The following PI16 variants were observed in gnomAD, a reference collection of about 807,000 sequenced individuals.
The protein encoded by PI16 is PSP94-binding protein.
In PI16, 35 loss-of-function variants were observed where a neutral mutation model predicts 38.0. That is an observed-to-expected ratio of 0.92 (90% confidence interval 0.70 to 1.22). The LOEUF (loss-of-function observed/expected upper bound fraction) is 1.22, where lower values mean the gene tolerates loss of function less well. PI16 is among the 50% of genes most tolerant of loss of function. The probability of loss-of-function intolerance (pLI) is 0.00; values close to 1 mark genes in which losing one functional copy is unlikely to be tolerated. For synonymous variants in PI16, 275 were observed against 252.9 expected, an observed-to-expected ratio of 1.09 and a Z score of -0.83; for missense variants, 572 against 593.8, an observed-to-expected ratio of 0.96 and a Z score of 0.38.
chr6:36,957,776 C>T (rs1467501172), intron 1 of PI16, among the ~76,000 whole-genome samples: 1 of 152,224 alleles, frequency 6.6e-6, no homozygotes, highest in Non-Finnish European at 1.5e-5. Flanking sequence ...TCTCAGTCAT[C>T]AATAGTTGAC....
At chr6:36,948,303 T>A (rs1763044180) in exon 1 of PI16, 1 of 152,306 alleles carries the variant, frequency 6.6e-6, no homozygotes, top group Non-Finnish European at 1.5e-5. Flanking sequence ...GCCACAGAGA[T>A]GACCACACCA....
chr6:36,957,571 G>C (rs2150735558), intron 1 of PI16, among the ~76,000 whole-genome samples: 1 of 152,324 alleles, frequency 6.6e-6, no homozygotes, highest in African/African-American at 2.4e-5. Flanking sequence ...GAATGGACTT[G>C]CTTCTAGATG....
chr6:36,961,325 G>A, intron 2 of PI16, 126 bp from the exon 3 acceptor site: 2 of 776,200 alleles, frequency 2.6e-6, no homozygotes, highest in East Asian at 2.5e-5. Flanking sequence ...TGGCCTTGGG[G>A]ACGTGGATGT....
chr6:36,963,511 C>T lies in PI16; in HGVS notation c.1169C>T (p.Thr390Met), dbSNP rs762961083. Residue 390 changes from threonine (T) to methionine (M), a missense_variant, in exon 5 of 7, where the codon ACG (threonine) becomes ATG (methionine). Transcript: ENST00000373674. ...GAGCTGCAGGCCACACTGGACCACACGGGGCACACCTCCTCCAAGTCCCTG... is the reference window on the plus strand; with the variant it reads ...GAGCTGCAGGCCACACTGGACCACATGGGGCACACCTCCTCCAAGTCCCTG... Reference protein sequence around the residue: ...PGELQATLDHTGHTSSKSLPN... With the variant: ...PGELQATLDHMGHTSSKSLPN... 4.3e-6 allele frequency: 7 copies of T among 1,614,066 alleles called. No homozygotes were observed. The highest frequency in any genetic ancestry group is 2.2e-5 in the East Asian group (1 of 44,898).
Position 36,963,432 on chromosome 6 carries a change from C to T in PI16, c.1090C>T (p.Pro364Ser), listed in dbSNP as rs148081581. The T allele has an allele frequency of 2.7e-3, 4,359 of 1,614,168 alleles. 12 individuals are homozygous for T. Among genetic ancestry groups the T allele is most frequent in the Admixed American group, 4.6e-3 (275 of 60,026 alleles). ...GGAGGCTGAGGCTGAGGCTGAGTTG[C>T]CTCCTTCCAGTGAGGTCTTGGCCTC... is the stretch of plus-strand genomic sequence containing the variant. ...QEEAEAEAEL[P>S]PSSEVLASVF... Residue 364 changes from proline (P) to serine (S), a missense_variant, in exon 5 of 7, where the codon CCT (proline) becomes TCT (serine). By Grantham distance (74) the Pro-to-Ser change is moderately conservative. Transcript: ENST00000373674.
chr6:36,948,625 T>C (rs866343474), intron 1 of PI16, among the ~76,000 whole-genome samples: 27 of 53,500 alleles, frequency 5.0e-4, no homozygotes, highest in South Asian at 4.7e-3. Flanking sequence ...TTTTTTTCCT[T>C]CCTTCCTCCT....
intron 1 of PI16, 65 bp downstream of exon 1, chr6:36,954,996 G>T (rs1427662552): frequency 2.6e-6 from 4 of 1,553,064 alleles, no homozygotes; most frequent in Non-Finnish European, 3.5e-6. Context: ...CTGTCACCAG[G>T]CTCTCTTACC....
chr6:36,954,797 C>A lies in PI16; in HGVS notation c.37C>A (p.Pro13Thr), dbSNP rs1292422574. ...CTGCAGTTTCCTGATGCTTCTGCTGCCGCTACTGCTACTGCTGGTGGCCAC... is the reference window on the plus strand; with the variant it reads ...CTGCAGTTTCCTGATGCTTCTGCTGACGCTACTGCTACTGCTGGTGGCCAC... Reference protein sequence around the residue: ...GSCSFLMLLLPLLLLLVATTG... With the variant: ...GSCSFLMLLLTLLLLLVATTG... Residue 13 changes from proline to threonine, a missense_variant, in exon 1 of 7, where the codon CCG becomes ACG. Pro to Thr is a conservative substitution (Grantham distance 38). Transcript: ENST00000373674. 6.2e-7 allele frequency: 1 copy of A among 1,613,822 alleles called. No individual in the cohort carries two copies. The highest frequency in any genetic ancestry group is 1.7e-5 in the Admixed American group (1 of 60,004).
At chr6:36,949,650 C>G (rs1464349808) in intron 1 of PI16, among the ~76,000 whole-genome samples, 1 of 152,174 alleles carries the variant, frequency 6.6e-6, no homozygotes, top group Non-Finnish European at 1.5e-5. Context: ...CTGAATTCTT[C>G]CGATTCTTTT....
chr6:36,959,111 C>G, intron 1 of PI16, 34 bp from the exon 2 acceptor site: 1 of 1,564,780 alleles, frequency 6.4e-7, no homozygotes, highest in Non-Finnish European at 8.7e-7. Flanking sequence ...CATCTGTGGG[C>G]ATCCTCACCT....
At position 36,961,524 on chromosome 6, in the gene PI16, C is replaced by T. The variant is rs778403984; in HGVS notation, c.467C>T (p.Thr156Ile). The change falls in exon 3 of 7, where the codon ACC becomes ATC. Residue 156 changes from threonine (T) to isoleucine (I), a missense_variant. Coordinates refer to ENST00000373674, the MANE Select transcript of PI16 (RefSeq NM_153370.3). ...GAGAAGCTCCAGGGTGTTGAGGAGA[C>T]CAACATCGAATTACTGGTGTGCAAC... ...FCEKLQGVEETNIELLVCNYE... is the reference protein window; with the variant it reads ...FCEKLQGVEEINIELLVCNYE... 6.2e-7 allele frequency: 1 copy of T among 1,614,148 alleles called. No homozygotes were observed. Among genetic ancestry groups the T allele is most frequent in the Non-Finnish European group, 8.5e-7 (1 of 1,180,024 alleles).
intron 1 of PI16, among the ~76,000 whole-genome samples, chr6:36,949,374 G>T (rs192459586): frequency 2.4e-4 from 36 of 151,204 alleles, no homozygotes; most frequent in Admixed American, 9.9e-4. Flanking sequence ...CGCCCACCTT[G>T]GCCTCCTAAA....
chr6:36,957,986 C>T (rs1472696654), intron 1 of PI16, among the ~76,000 whole-genome samples: 1 of 152,210 alleles, frequency 6.6e-6, no homozygotes, highest in Admixed American at 6.5e-5. Flanking sequence ...ATCTCAGGGG[C>T]CAGTGATTTG....
intron 3 of PI16, 148 bp downstream of exon 3, chr6:36,961,708 G>A (rs76572819): frequency 0.017 from 15,327 of 896,412 alleles, 262 homozygotes; most frequent in Middle Eastern, 0.065. Context: ...AGGCACCAAT[G>A]GGGGTCTGCT....
intron 2 of PI16, among the ~76,000 whole-genome samples, chr6:36,960,871 G>A (rs535068170): frequency 6.6e-6 from 1 of 152,204 alleles, no homozygotes; most frequent in East Asian, 1.9e-4. Flanking sequence ...AAGGCTGCTG[G>A]TCTCACCCCA....
chr6:36,948,628 T>C (rs1763049637), intron 1 of PI16, among the ~76,000 whole-genome samples: 2 of 101,556 alleles, frequency 2.0e-5, no homozygotes, highest in African/African-American at 7.6e-5. Context: ...TTTTCCTTCC[T>C]TCCTCCTTCC....
At position 36,964,493 on chromosome 6, in the gene PI16, G is replaced by A. The variant is rs1763459334; in HGVS notation, c.*126G>A. 1 of 152,954 alleles carries A rather than the reference G, an allele frequency of 6.5e-6. No homozygotes were observed. Among genetic ancestry groups the A allele is most frequent in the Non-Finnish European group, 1.5e-5 (1 of 68,238 alleles). 9.5% of individuals were successfully genotyped at this position (152,954 alleles called of 1,614,324 possible). ...CCGGAAGGGAAAGGCTACGGGGCATGTGCCTCATCACACCATCCATCCTGG... is the reference window on the plus strand; with the variant it reads ...CCGGAAGGGAAAGGCTACGGGGCATATGCCTCATCACACCATCCATCCTGG... On this transcript the variant is annotated 3_prime_UTR_variant, in exon 7 of 7. Transcript: ENST00000373674.
At chr6:36,954,543 A>G, upstream of PI16, 1 of 596,850 alleles carries the variant, frequency 1.7e-6, no homozygotes, top group Admixed American at 3.4e-5. Flanking sequence ...CCCGTTACCA[A>G]GAGAAAGGAG....
At chr6:36,955,670 C>A (rs143324930) in intron 1 of PI16, among the ~76,000 whole-genome samples, 1 of 152,284 alleles carries the variant, frequency 6.6e-6, no homozygotes, top group East Asian at 1.9e-4. Context: ...ACAGTAGGAT[C>A]TCTTTACATG....
Sources: gnomAD v4.1 joint callset for allele counts (sites outside exome capture counted in the v4.1 genomes callset) on GRCh38, gnomAD v4.1.1 for gene constraint, MANE v1.5 for transcripts, NCBI Gene and HGNC (gene_info 2026-07-23, HGNC 2026-07-21) for gene names.